Variants in MVB12B observed in about 807,000 individuals in gnomAD.
MVB12B encodes multivesicular body subunit 12B.
MVB12B carries 16 observed loss-of-function variants against 41.6 expected under a neutral mutation model. The observed-to-expected ratio is 0.38, with a 90% CI of 0.26 to 0.58. MVB12B has a LOEUF of 0.58. Ranked by LOEUF, MVB12B falls within the 20% of genes least tolerant of loss-of-function variation. The probability of loss-of-function intolerance (pLI) is 0.62; values close to 1 mark genes in which losing one functional copy is unlikely to be tolerated. For synonymous variants in MVB12B, 133 were observed against 139.7 expected (o/e 0.95, Z 0.34); for missense variants, 274 against 380.2 (o/e 0.72, Z 2.32).
rs1295710426 is a variant in MVB12B at position 126,478,635 on chromosome 9, AT to A, written c.758-2733del. Reference sequence around the variant, plus strand: ...CAGGTGCAAGGGGCCAGGGCCTTCAATGCCAGTCGAGACCCCCATCTTGGAA... The same window carrying A: ...CAGGTGCAAGGGGCCAGGGCCTTCAAGCCAGTCGAGACCCCCATCTTGGAA... On this transcript the variant is annotated intron_variant, in intron 7 of 9. Transcript: ENST00000361171. The surrounding 1 kb of genome is among the most constrained non-coding windows in gnomAD (Gnocchi z 4.2). Among the ~76,000 whole-genome samples the A allele has an allele frequency of 6.6e-6, 1 of 152,062 alleles. No homozygotes were observed. The highest frequency in any genetic ancestry group is 1.5e-5 in the Non-Finnish European group (1 of 68,002).
At chr9:126,487,860 T>C (rs1343813358) in intron 9 of MVB12B, among the ~76,000 whole-genome samples, 1 of 152,100 alleles carries the variant, frequency 6.6e-6, no homozygotes, top group African/African-American at 2.4e-5. Context: ...GGGGAGAGGT[T>C]AGAACCTTAA....
At chr9:126,417,571 C>T (rs1352539579) in intron 6 of MVB12B, among the ~76,000 whole-genome samples, 1 of 152,026 alleles carries the variant, frequency 6.6e-6, no homozygotes, top group African/African-American at 2.4e-5. Context: ...CAGTTCATGT[C>T]AAAAAAGAAA....
At chr9:126,368,508 G>A (rs1373327926) in intron 2 of MVB12B, among the ~76,000 whole-genome samples, 2 of 152,042 alleles carry the variant, frequency 1.3e-5, no homozygotes, top group Non-Finnish European at 2.9e-5. Flanking sequence ...GAGGGTTGGA[G>A]AACCTTGTCT....
At chr9:126,497,119 G>A (rs1343854030) in intron 9 of MVB12B, among the ~76,000 whole-genome samples, 1 of 152,174 alleles carries the variant, frequency 6.6e-6, no homozygotes, top group Non-Finnish European at 1.5e-5. Flanking sequence ...GGACACAGCA[G>A]TGCCCAGACA....
intron 7 of MVB12B, among the ~76,000 whole-genome samples, chr9:126,476,286 G>A (rs1324615792): frequency 2.0e-5 from 3 of 152,242 alleles, no homozygotes; most frequent in Non-Finnish European, 4.4e-5. Flanking sequence ...ATGCCTGCAT[G>A]TGGAGCAGGT....
intron 2 of MVB12B, among the ~76,000 whole-genome samples, chr9:126,353,908 A>G (rs1372162011): frequency 6.6e-6 from 1 of 152,192 alleles, no homozygotes; most frequent in Non-Finnish European, 1.5e-5. Flanking sequence ...AATTTCAGTA[A>G]TTACTATACC....
intron 7 of MVB12B, among the ~76,000 whole-genome samples, chr9:126,460,772 C>T (rs577677593): frequency 4.6e-5 from 7 of 152,048 alleles, no homozygotes; most frequent in Non-Finnish European, 7.4e-5. Flanking sequence ...TGGGTTCAAC[C>T]CTGGCTCCAC....
intron 7 of MVB12B, among the ~76,000 whole-genome samples, chr9:126,423,248 A>T (rs1832077582): frequency 6.6e-6 from 1 of 152,196 alleles, no homozygotes; most frequent in African/African-American, 2.4e-5. Flanking sequence ...GCAGCTCACA[A>T]ATCTTTTTCC....
At chr9:126,397,604 G>A (rs2052156) in intron 6 of MVB12B, 802,827 of 984,916 alleles carry the variant, frequency 0.82, 328,150 homozygotes, top group African/African-American at 0.92. Context: ...ATGTTCATTA[G>A]TGCTTCCAAG....
rs1050103755 is a variant in MVB12B, at chr9:126,397,441, C to T, written c.662+1744C>T. The T allele has an allele frequency of 1.8e-5, 18 of 985,236 alleles. No homozygotes were observed. In the Admixed American group the frequency reaches 9.8e-4, roughly 54 times the overall value. The allele number at this position is 985,236 out of a possible 1,614,324, so 61.0% of individuals were successfully genotyped here. ...TTTATAAGGCTTATGTATTTTATCA[C>T]CTCTGCTGTACAGTTTATGGTTTAC... On this transcript the variant is annotated intron_variant, in intron 6 of 9. Coordinates refer to ENST00000361171, the MANE Select transcript of MVB12B (RefSeq NM_033446.3).
At chr9:126,499,218 G>A (rs1833899820) in intron 9 of MVB12B, among the ~76,000 whole-genome samples, 1 of 152,084 alleles carries the variant, frequency 6.6e-6, no homozygotes, top group Non-Finnish European at 1.5e-5. Flanking sequence ...GGCCTGAGAC[G>A]CCTGCTTCCA....
chr9:126,454,978 G>A (rs907852166), intron 7 of MVB12B, among the ~76,000 whole-genome samples: 9 of 151,924 alleles, frequency 5.9e-5, no homozygotes, highest in South Asian at 2.1e-4. Flanking sequence ...CAGCCACTCC[G>A]GGGATGAGCG....
intron 7 of MVB12B, among the ~76,000 whole-genome samples, chr9:126,457,911 T>C (rs1310627260): frequency 6.6e-6 from 1 of 152,118 alleles, no homozygotes; most frequent in Non-Finnish European, 1.5e-5. Context: ...AACCAGATAA[T>C]AAAAGCGAGC....
chr9:126,381,180 AGTC>A lies in MVB12B; in HGVS notation c.312+12_312+14del. ...CATTTTCCAAAGAAAATGTAAGTCT[AGTC>A]GTAGTTTCCATTTGCTGAGTGAGCA... On this transcript the variant is annotated intron_variant, in intron 3 of 9. Transcript: ENST00000361171. 1 of 1,588,958 alleles carries A rather than the reference AGTC, an allele frequency of 6.3e-7. No homozygotes were observed. Among genetic ancestry groups the A allele is most frequent in the South Asian group, 1.1e-5 (1 of 90,548 alleles).
At position 126,406,502 on chromosome 9, in the gene MVB12B, C is replaced by T. The variant is rs892432521; in HGVS notation, c.662+10805C>T. On this transcript the variant is annotated intron_variant, in intron 6 of 9. Coordinates refer to ENST00000361171, the MANE Select transcript of MVB12B (RefSeq NM_033446.3). ...TATGAATCTGACTTTGGCAGTCCCC[C>T]GACTCTTGAATTTTCGAAAAGCGGA... Among the ~76,000 whole-genome samples the T allele has an allele frequency of 6.6e-5, 10 of 152,206 alleles. No individual in the cohort carries two copies. In the South Asian group the frequency reaches 8.3e-4, roughly 13 times the overall value.
intron 2 of MVB12B, among the ~76,000 whole-genome samples, chr9:126,369,767 C>T (rs1216135011): frequency 6.6e-6 from 1 of 152,176 alleles, no homozygotes; most frequent in African/African-American, 2.4e-5. Context: ...GATTCTTCTG[C>T]CTCAGCCTCC....
At chr9:126,344,088 C>T (rs115912961) in intron 2 of MVB12B, among the ~76,000 whole-genome samples, 12 of 150,186 alleles carry the variant, frequency 8.0e-5, no homozygotes, top group African/African-American at 2.7e-4. Context: ...GAAAGTGAGA[C>T]GAATCAAACA....
chr9:126,419,021 C>T (rs944488047), intron 6 of MVB12B, among the ~76,000 whole-genome samples: 1 of 152,138 alleles, frequency 6.6e-6, no homozygotes, highest in Non-Finnish European at 1.5e-5. Context: ...CCCAACAGCT[C>T]GGCTGGCCCC....
chr9:126,403,356 C>T (rs9792654), intron 6 of MVB12B, among the ~76,000 whole-genome samples: 18,883 of 152,192 alleles, frequency 0.12, 1,569 homozygotes, highest in East Asian at 0.38. Flanking sequence ...AGGCTGGACT[C>T]CAGAATGCTT....
Sources: gnomAD v4.1 joint callset for allele counts (sites outside exome capture counted in the v4.1 genomes callset) on GRCh38, gnomAD v4.1.1 for gene constraint, Gnocchi (gnomAD v3.1) non-coding constraint, MANE v1.5 for transcripts, NCBI Gene and HGNC (gene_info 2026-07-23, HGNC 2026-07-21) for gene names.